SYTL3: variants seen among roughly 807,000 people sequenced by gnomAD.
The protein encoded by SYTL3 is synaptotagmin-like protein 3.
In SYTL3, 88 loss-of-function variants were observed where a neutral mutation model predicts 82.1. The observed-to-expected ratio is 1.07, with a 90% CI of 0.90 to 1.28. The LOEUF (loss-of-function observed/expected upper bound fraction) is 1.28, where lower values mean the gene tolerates loss of function less well. Ranked by LOEUF, SYTL3 falls within the 50% of genes most tolerant of loss-of-function variation. The pLI is 0.00. For synonymous variants in SYTL3, 311 were observed against 289.4 expected (o/e 1.07, Z -0.76); for missense variants, 831 against 757.6 (o/e 1.10, Z -1.14).
At chr6:158,709,038 G>A (rs955516565) in intron 8 of SYTL3, among the ~76,000 whole-genome samples, 1 of 152,192 alleles carries the variant, frequency 6.6e-6, no homozygotes, top group African/African-American at 2.4e-5. Context: ...TTCGAGACCA[G>A]CCTGGCCAAC....
chr6:158,676,812 T>C (rs1167635888), intron 5 of SYTL3, among the ~76,000 whole-genome samples: 4 of 152,058 alleles, frequency 2.6e-5, no homozygotes, highest in Non-Finnish European at 5.9e-5. Flanking sequence ...AAAATGCTCA[T>C]CATCACTGGC....
At chr6:158,697,978 G>A (rs986379399) in intron 6 of SYTL3, among the ~76,000 whole-genome samples, 1 of 152,220 alleles carries the variant, frequency 6.6e-6, no homozygotes, top group Non-Finnish European at 1.5e-5. Flanking sequence ...GTTAGTAATT[G>A]TTGCTCCCTG....
At chr6:158,708,248 A>G in intron 7 of SYTL3, 74 bp from the exon 8 acceptor site, 1 of 1,275,642 alleles carries the variant, frequency 7.8e-7, no homozygotes, top group South Asian at 1.2e-5. Context: ...ATAATGGCAC[A>G]TTTTGTGTAT....
rs1401507609 is a variant in SYTL3, at chr6:158,665,432, G to C, written c.148G>C (p.Gly50Arg). 12 of 1,606,792 alleles carry C rather than the reference G, an allele frequency of 7.5e-6. No homozygotes were observed. The highest frequency in any genetic ancestry group is 1.7e-6 in the Non-Finnish European group (2 of 1,176,594). Residue 50 changes from glycine to arginine, a missense_variant, in exon 5 of 18, where the codon GGA (glycine) becomes CGA (arginine). Physicochemically the swap from Gly to Arg is moderately radical, Grantham distance 125 (BLOSUM62 -2). Transcript: ENST00000611299. The part of the protein sequence containing the change: ...KTHLQHLRWK[G>R]AKNTDWEHKE... Reference sequence around the variant, plus strand: ...ACACCTGCAGCATCTCCGGTGGAAAGGAGCGAAGAACACGGACTGGGAGCA... The same window carrying C: ...ACACCTGCAGCATCTCCGGTGGAAACGAGCGAAGAACACGGACTGGGAGCA...
At position 158,713,678 on chromosome 6, in the gene SYTL3, C is replaced by T. The variant is rs527799835; in HGVS notation, c.517-122C>T. 20 of 721,316 alleles carry T rather than the reference C, an allele frequency of 2.8e-5. 1 individual carries two copies. The highest frequency in any genetic ancestry group is 2.3e-4 in the Middle Eastern group (1 of 4,326). 44.7% of individuals were successfully genotyped at this position (721,316 alleles called of 1,614,324 possible). ...ATGCCCACCTGCACCCCCAGCACCA[C>T]GCCCACACTCACTCGCACACACCCA... On this transcript the variant is annotated intron_variant, in intron 8 of 17. Transcript: ENST00000611299.
chr6:158,739,959 C>G lies in SYTL3; in HGVS notation c.856-5521C>G, dbSNP rs575740500. On this transcript the variant is annotated intron_variant, in intron 11 of 17. Coordinates refer to ENST00000611299, the MANE Select transcript of SYTL3 (RefSeq NM_001242394.2). ...TTATGTTAATTTAATTTGTGGAGTT[C>G]TTCATTTCAGTTGCCTTACTTTTTA... Among the ~76,000 whole-genome samples the G allele has an allele frequency of 2.1e-5, 3 of 143,052 alleles. No homozygotes were observed. In the South Asian group the frequency reaches 6.7e-4, roughly 32 times the overall value. 93.8% of individuals were successfully genotyped at this position (143,052 alleles called of 152,430 possible).
intron 5 of SYTL3, among the ~76,000 whole-genome samples, chr6:158,667,470 C>T (rs373531584): frequency 1.6e-4 from 24 of 152,276 alleles, no homozygotes; most frequent in African/African-American, 5.1e-4. Context: ...TCCCTGTCCC[C>T]GCAGCCCTCT....
At position 158,745,901 on chromosome 6, in the gene SYTL3, A is replaced by G. The variant is rs528098206; in HGVS notation, c.1034+243A>G. ...GACCTTAGCGTATATGAAAACTTAC[A>G]TGATCAAGGAGTGTCTTAGTCCATT... On this transcript the variant is annotated intron_variant, in intron 12 of 17. Coordinates refer to ENST00000611299, the MANE Select transcript of SYTL3 (RefSeq NM_001242394.2). Among the ~76,000 whole-genome samples the G allele has an allele frequency of 7.2e-5, 11 of 152,344 alleles. No homozygotes were observed. The East Asian group carries it at 2.1e-3, about 29-fold the overall frequency.
At chr6:158,754,839 C>T (rs1788868238) in intron 13 of SYTL3, among the ~76,000 whole-genome samples, 1 of 152,204 alleles carries the variant, frequency 6.6e-6, no homozygotes, top group Non-Finnish European at 1.5e-5. Context: ...GTCGCCCACA[C>T]ACAGCTGGAG....
intron 10 of SYTL3, among the ~76,000 whole-genome samples, chr6:158,721,070 C>T (rs918066258): frequency 2.6e-5 from 4 of 152,094 alleles, no homozygotes; most frequent in South Asian, 2.1e-4. Flanking sequence ...GCAGGGGAGA[C>T]GGTGGGGAGA....
intron 10 of SYTL3, among the ~76,000 whole-genome samples, chr6:158,720,560 G>T (rs1035196133): frequency 6.6e-6 from 1 of 152,106 alleles, no homozygotes; most frequent in Non-Finnish European, 1.5e-5. Flanking sequence ...AATGAGGACC[G>T]CTGAAGAAAG....
chr6:158,680,575 C>CAAAAAAAAAAAAAA (rs71297002), intron 5 of SYTL3, among the ~76,000 whole-genome samples: 8 of 78,238 alleles, frequency 1.0e-4, no homozygotes, highest in South Asian at 4.6e-4. Context: ...CCCGTCTCTA[C>CAAAAAAAAAAAAAA]AAAAAAAAAA....
chr6:158,698,606 GAA>G (rs1780818939), intron 6 of SYTL3, among the ~76,000 whole-genome samples: 1 of 152,166 alleles, frequency 6.6e-6, no homozygotes, highest in Non-Finnish European at 1.5e-5. Context: ...AGCATTTAGA[GAA>G]AACTCAAACT....
Position 158,724,472 on chromosome 6 carries a change from CTG to C in SYTL3, c.721-1029_721-1028del, listed in dbSNP as rs370413459. On this transcript the variant is annotated intron_variant, in intron 10 of 17. Coordinates refer to ENST00000611299, the MANE Select transcript of SYTL3 (RefSeq NM_001242394.2). ...AAAAACTAAAGTCTCCACTTGGAAA[CTG>C]TATATTTTCAGTCATTAAGAGGTTT... Among the ~76,000 whole-genome samples, 393 of 152,300 alleles carry C rather than the reference CTG, an allele frequency of 2.6e-3. 1 individual carries two copies. The highest frequency in any genetic ancestry group is 7.8e-3 in the African/African-American group (323 of 41,564).
At chr6:158,726,124 T>C (rs1163238618) in intron 11 of SYTL3, 10 of 421,882 alleles carry the variant, frequency 2.4e-5, no homozygotes, top group Non-Finnish European at 4.6e-5. Context: ...GAATAGTCAG[T>C]TGAAGATGTT....
chr6:158,674,965 C>T (rs1211649265), intron 5 of SYTL3, among the ~76,000 whole-genome samples: 2 of 151,774 alleles, frequency 1.3e-5, no homozygotes, highest in African/African-American at 2.4e-5. Flanking sequence ...TGTGGCCCTG[C>T]CCGACACAGT....
chr6:158,747,228 C>T (rs1365247199), intron 12 of SYTL3, among the ~76,000 whole-genome samples: 1 of 152,206 alleles, frequency 6.6e-6, no homozygotes, highest in Non-Finnish European at 1.5e-5. Flanking sequence ...CTAAAGTGAT[C>T]CACCCGCCTT....
At chr6:158,666,217 A>G (rs1790035181) in intron 5 of SYTL3, among the ~76,000 whole-genome samples, 1 of 152,248 alleles carries the variant, frequency 6.6e-6, no homozygotes, top group Non-Finnish European at 1.5e-5. Flanking sequence ...CCAGTGGAGT[A>G]AATTATAATC....
chr6:158,697,599 A>C (rs1446722611), intron 6 of SYTL3, among the ~76,000 whole-genome samples: 1 of 152,234 alleles, frequency 6.6e-6, no homozygotes, highest in Non-Finnish European at 1.5e-5. Context: ...TAACAAAATA[A>C]AAAGGTAAGC....
Sources: allele counts gnomAD v4.1 joint callset (sites outside exome capture counted in the v4.1 genomes callset), GRCh38; gene constraint gnomAD v4.1.1; transcripts MANE v1.5; gene names NCBI Gene and HGNC (gene_info 2026-07-23, HGNC 2026-07-21).